The following CFAP58 variants were observed in gnomAD, a reference collection of about 807,000 sequenced individuals.
CFAP58 encodes cilia- and flagella-associated protein 58.
In CFAP58, 88 loss-of-function variants were observed where a neutral mutation model predicts 119.5. That is an observed-to-expected ratio of 0.74 (90% confidence interval 0.62 to 0.88). CFAP58 has a LOEUF of 0.88. Ranked by LOEUF, CFAP58 falls within the 40% of genes least tolerant of loss-of-function variation. The probability of loss-of-function intolerance (pLI) is 0.00; values close to 1 mark genes in which losing one functional copy is unlikely to be tolerated. For synonymous variants in CFAP58, 365 were observed against 366.3 expected, an observed-to-expected ratio of 1.00 and a Z score of 0.04; for missense variants, 990 against 1,021.2, an observed-to-expected ratio of 0.97 and a Z score of 0.42.
chr10:104,439,834 T>G (rs534693444), intron 15 of CFAP58, among the ~76,000 whole-genome samples: 7 of 152,384 alleles, frequency 4.6e-5, no homozygotes, highest in Non-Finnish European at 1.0e-4. Context: ...ACTATTTTTT[T>G]TTTGAGACGG....
At chr10:104,429,990 C>T (rs2012818212) in intron 15 of CFAP58, among the ~76,000 whole-genome samples, 1 of 152,110 alleles carries the variant, frequency 6.6e-6, no homozygotes, top group African/African-American at 2.4e-5. Flanking sequence ...ATTCCCTTGG[C>T]TTTTCAGGTA....
chr10:104,377,165 G>A (rs1164603679), intron 8 of CFAP58, among the ~76,000 whole-genome samples: 1 of 152,164 alleles, frequency 6.6e-6, no homozygotes, highest in Non-Finnish European at 1.5e-5. Flanking sequence ...TGTGGATTCT[G>A]TTTTCATTGC....
chr10:104,429,255 A>G (rs905385008), intron 15 of CFAP58, among the ~76,000 whole-genome samples: 6 of 152,084 alleles, frequency 3.9e-5, no homozygotes, highest in African/African-American at 9.7e-5. Context: ...GAAGGAGAGC[A>G]ATGAAATCAG....
At chr10:104,397,300 T>C (rs1265781811) in intron 11 of CFAP58, among the ~76,000 whole-genome samples, 4 of 152,204 alleles carry the variant, frequency 2.6e-5, no homozygotes, top group Non-Finnish European at 5.9e-5. Flanking sequence ...AAATACTAGA[T>C]GAGATCTTTT....
chr10:104,433,738 C>A lies in CFAP58; in HGVS notation c.2257-13960C>A, dbSNP rs565424444. On this transcript the variant is annotated intron_variant, in intron 15 of 17. Coordinates refer to ENST00000369704, the MANE Select transcript of CFAP58 (RefSeq NM_001008723.2). ...TTTCAACTTGAGTATTTAATTCCAT[C>A]AGAATATTTCTTGTTTTCAAATTTT... Among the ~76,000 whole-genome samples, 19 of 152,316 alleles carry A rather than the reference C, an allele frequency of 1.2e-4. No individual in the cohort carries two copies. In the South Asian group the frequency reaches 3.9e-3, roughly 32 times the overall value.
intron 15 of CFAP58, among the ~76,000 whole-genome samples, chr10:104,428,407 G>A (rs752215850): frequency 2.0e-5 from 3 of 152,124 alleles, no homozygotes; most frequent in Non-Finnish European, 2.9e-5. Context: ...TGAAACATTG[G>A]AGGGAAAAAA....
chr10:104,439,218 A>G (rs2012993767), intron 15 of CFAP58, among the ~76,000 whole-genome samples: 1 of 152,158 alleles, frequency 6.6e-6, no homozygotes, highest in East Asian at 1.9e-4. Flanking sequence ...ATTCTATTTC[A>G]TAAGTTGGGT....
In CFAP58 at chr10:104,375,279, T is replaced by C. The variant is rs531280169; in HGVS notation, c.1091-1532T>C. On this transcript the variant is annotated intron_variant, in intron 7 of 17. Transcript: ENST00000369704. ...TTATAAATATATTTATATACACGTA[T>C]ATTTACATAAGAATAAGCTGGGAAA... 2.8e-4 allele frequency among the ~76,000 whole-genome samples: 42 copies of C among 151,452 alleles called. 1 individual carries two copies. Among genetic ancestry groups the C allele is most frequent in the African/African-American group, 9.4e-4 (39 of 41,390 alleles).
At chr10:104,381,074 C>T (rs1054647740) in intron 9 of CFAP58, among the ~76,000 whole-genome samples, 11 of 151,912 alleles carry the variant, frequency 7.2e-5, no homozygotes, top group African/African-American at 2.7e-4. Flanking sequence ...CGCTTGAGCC[C>T]GGGAGGTGGA....
upstream of CFAP58, chr10:104,351,787 A>G (rs887537989): frequency 6.6e-6 from 1 of 152,212 alleles, no homozygotes; most frequent in African/African-American, 2.4e-5. Context: ...AATAATACCA[A>G]AAAACTATAT....
intron 15 of CFAP58, among the ~76,000 whole-genome samples, chr10:104,407,568 G>A (rs1226983196): frequency 6.6e-6 from 1 of 152,070 alleles, no homozygotes; most frequent in Non-Finnish European, 1.5e-5. Flanking sequence ...CTGTATTATG[G>A]GACAATAACA....
At chr10:104,354,022 C>A in intron 1 of CFAP58, 116 bp downstream of exon 1, 2 of 1,283,648 alleles carry the variant, frequency 1.6e-6, no homozygotes. Context: ...ACATCTTATT[C>A]CCCTGCACCC....
rs1444864009 is a variant in CFAP58, at chr10:104,357,900, TACACATATAC to T, written c.10-431_10-422del. ...ATGTACACATATATAAACATATATG[TACACATATAC>T]ACACATATATGTACACATATACACA... On this transcript the variant is annotated intron_variant, in intron 1 of 17. Transcript: ENST00000369704. Among the ~76,000 whole-genome samples the T allele has an allele frequency of 1.6e-3, 157 of 100,454 alleles. 5 individuals carry two copies. Among genetic ancestry groups the T allele is most frequent in the Middle Eastern group, 0.011 (2 of 174 alleles). The allele number at this position is 100,454 out of a possible 152,430, so 65.9% of individuals were successfully genotyped here. A position where few individuals can be genotyped will look rare whatever the true frequency, so the allele number is the denominator to read the frequency against.
intron 9 of CFAP58, among the ~76,000 whole-genome samples, chr10:104,382,725 G>T (rs1043111298): frequency 6.6e-6 from 1 of 152,184 alleles, no homozygotes; most frequent in Non-Finnish European, 1.5e-5. Context: ...GTGTTTAGAA[G>T]TTCCTCCTTC....
intron 15 of CFAP58, among the ~76,000 whole-genome samples, chr10:104,414,256 A>G (rs1015740721): frequency 6.6e-6 from 1 of 152,134 alleles, no homozygotes; most frequent in Admixed American, 6.5e-5. Context: ...TCTTAAACAC[A>G]CTGTATGGGA....
chr10:104,428,531 C>T (rs1194628076), intron 15 of CFAP58, among the ~76,000 whole-genome samples: 2 of 152,140 alleles, frequency 1.3e-5, no homozygotes, highest in Non-Finnish European at 2.9e-5. Flanking sequence ...AGCCCTACTC[C>T]CTGAGTCTAA....
intron 15 of CFAP58, among the ~76,000 whole-genome samples, chr10:104,417,280 A>G (rs1305584679): frequency 6.6e-6 from 1 of 152,224 alleles, no homozygotes; most frequent in African/African-American, 2.4e-5. Flanking sequence ...CTCCTCTGAA[A>G]TATGGAGCTC....
intron 1 of CFAP58, among the ~76,000 whole-genome samples, chr10:104,357,366 G>A (rs1263120780): frequency 1.3e-5 from 2 of 152,152 alleles, no homozygotes; most frequent in East Asian, 3.8e-4. Context: ...CATTTCTAAG[G>A]AATAAAAATG....
At chr10:104,359,138 T>A (rs1244558380) in intron 2 of CFAP58, among the ~76,000 whole-genome samples, 2 of 152,214 alleles carry the variant, frequency 1.3e-5, no homozygotes, top group Non-Finnish European at 2.9e-5. Flanking sequence ...ATACTGAGGA[T>A]GTATTGCTTT....
Sources: allele counts gnomAD v4.1 joint callset (sites outside exome capture counted in the v4.1 genomes callset), GRCh38; gene constraint gnomAD v4.1.1; transcripts MANE v1.5; gene names NCBI Gene and HGNC (gene_info 2026-07-23, HGNC 2026-07-21).